Variants in KCND2 observed in about 807,000 individuals in gnomAD.
KCND2 encodes potassium voltage-gated channel subfamily D member 2.
In KCND2, 16 loss-of-function variants were observed where a neutral mutation model predicts 54.4. The ratio of observed to expected loss-of-function variants is 0.29; its 90% CI spans 0.20 to 0.45. The LOEUF (loss-of-function observed/expected upper bound fraction) is 0.45, where lower values mean the gene tolerates loss of function less well. KCND2 is among the 20% of genes least tolerant of loss of function. KCND2 has a pLI of 1.00. For synonymous variants in KCND2, 317 were observed against 310.7 expected (o/e 1.02, Z -0.21); for missense variants, 486 against 824.2 (o/e 0.59, Z 5.02).
chr7:120,398,145 A>T (rs1396679500), intron 1 of KCND2, among the ~76,000 whole-genome samples: 2 of 137,502 alleles, frequency 1.5e-5, no homozygotes, highest in Admixed American at 1.5e-4. Context: ...AGGAGATTTT[A>T]TATGTATATA....
chr7:120,285,660 C>A (rs1381519414), intron 1 of KCND2, among the ~76,000 whole-genome samples: 1 of 151,678 alleles, frequency 6.6e-6, no homozygotes, highest in Admixed American at 6.6e-5. Context: ...CAATAAAGGG[C>A]AGTTGTTTTG....
intron 1 of KCND2, among the ~76,000 whole-genome samples, chr7:120,655,941 C>T (rs1404712075): frequency 3.9e-5 from 6 of 151,960 alleles, no homozygotes; most frequent in East Asian, 1.9e-4. Context: ...GAAGAAAAGC[C>T]GTGCCTTGAT....
At chr7:120,747,633 C>A (rs1012195230) in intron 5 of KCND2, 48 bp from the exon 6 acceptor site, 2 of 1,372,792 alleles carry the variant, frequency 1.5e-6, no homozygotes, top group Non-Finnish European at 1.0e-6. Context: ...GTATGAAAAA[C>A]ATTTTAAGTA....
chr7:120,700,975 C>T (rs1425468651), intron 1 of KCND2, among the ~76,000 whole-genome samples: 1 of 152,070 alleles, frequency 6.6e-6, no homozygotes, highest in Admixed American at 6.6e-5. Flanking sequence ...GCCCCAGGCT[C>T]TTTCCATGTC....
intron 1 of KCND2, among the ~76,000 whole-genome samples, chr7:120,424,170 A>G (rs1251308673): frequency 1.3e-5 from 2 of 152,204 alleles, no homozygotes; most frequent in Admixed American, 6.5e-5. Context: ...AAACTTGAAT[A>G]TAAGGGTAGT....
At chr7:120,347,796 T>C (rs934561077) in intron 1 of KCND2, among the ~76,000 whole-genome samples, 1 of 151,696 alleles carries the variant, frequency 6.6e-6, no homozygotes, top group Non-Finnish European at 1.5e-5. Flanking sequence ...ATAAAGATTA[T>C]TGTAGTCTGT....
At chr7:120,556,502 A>G (rs1012962663) in intron 1 of KCND2, among the ~76,000 whole-genome samples, 1 of 152,204 alleles carries the variant, frequency 6.6e-6, no homozygotes, top group Non-Finnish European at 1.5e-5. Context: ...TCAACATTTA[A>G]GGATCTCTCT....
intron 1 of KCND2, among the ~76,000 whole-genome samples, chr7:120,687,230 T>C (rs2896298): frequency 0.14 from 21,606 of 152,068 alleles, 1,958 homozygotes; most frequent in East Asian, 0.4. Context: ...CCTCTGCTTC[T>C]ATAAGTTTGA....
intron 1 of KCND2, among the ~76,000 whole-genome samples, chr7:120,577,311 GATTA>G (rs1282306565): frequency 2.0e-5 from 3 of 152,072 alleles, no homozygotes; most frequent in Admixed American, 2.0e-4. Flanking sequence ...AAATAGAGGT[GATTA>G]ATTATTGCAG....
At chr7:120,583,109 A>G (rs1007556312) in intron 1 of KCND2, among the ~76,000 whole-genome samples, 2 of 152,116 alleles carry the variant, frequency 1.3e-5, no homozygotes, top group Non-Finnish European at 2.9e-5. Flanking sequence ...AAGATGGTAT[A>G]GATACTTGTA....
intron 1 of KCND2, among the ~76,000 whole-genome samples, chr7:120,408,599 A>G (rs533587708): frequency 1.3e-5 from 2 of 152,000 alleles, no homozygotes; most frequent in Non-Finnish European, 2.9e-5. Flanking sequence ...AAGTTGTCGT[A>G]TGCTCTATTA....
At chr7:120,277,190 A>AT (rs1214704037) in intron 1 of KCND2, among the ~76,000 whole-genome samples, 1 of 152,092 alleles carries the variant, frequency 6.6e-6, no homozygotes, top group East Asian at 1.9e-4. Context: ...ATTTAGTCTC[A>AT]TTTTTTTAAA....
rs933102790 is a variant in KCND2, at chr7:120,371,648, A to G, written c.1115+95901A>G. Among the ~76,000 whole-genome samples, 3 of 152,006 alleles carry G rather than the reference A, an allele frequency of 2.0e-5. No individual in the cohort carries two copies. In the South Asian group the frequency reaches 6.2e-4, roughly 31 times the overall value. On this transcript the variant is annotated intron_variant, in intron 1 of 5. Coordinates refer to ENST00000331113, the MANE Select transcript of KCND2 (RefSeq NM_012281.3). ...ACTTCCGGTTCTGCAGGTTCCATTC[A>G]TGGTAGATATTTTATACAGGTGTAC...
At chr7:120,574,744 T>G (rs966702255) in intron 1 of KCND2, among the ~76,000 whole-genome samples, 1 of 152,102 alleles carries the variant, frequency 6.6e-6, no homozygotes, top group Non-Finnish European at 1.5e-5. Flanking sequence ...CATTCTAGGT[T>G]TTTTTTCTCT....
chr7:120,400,729 CAT>C (rs893770688), intron 1 of KCND2, among the ~76,000 whole-genome samples: 9 of 152,134 alleles, frequency 5.9e-5, no homozygotes, highest in Non-Finnish European at 1.0e-4. Context: ...CTCCTGCACA[CAT>C]AGATTCTAAT....
At chr7:120,477,285 T>G (rs1039679247) in intron 1 of KCND2, among the ~76,000 whole-genome samples, 1 of 152,104 alleles carries the variant, frequency 6.6e-6, no homozygotes, top group African/African-American at 2.4e-5. Context: ...CTATGGACTT[T>G]GCGTGATAAA....
chr7:120,479,953 T>A (rs1372113921), intron 1 of KCND2, among the ~76,000 whole-genome samples: 3 of 113,220 alleles, frequency 2.6e-5, no homozygotes, highest in South Asian at 2.6e-4. Flanking sequence ...GGTGACAGAG[T>A]AAGACTGTCA....
intron 1 of KCND2, among the ~76,000 whole-genome samples, chr7:120,632,998 C>A (rs943245982): frequency 6.6e-6 from 1 of 152,190 alleles, no homozygotes; most frequent in Non-Finnish European, 1.5e-5. Context: ...AAACCTGCAA[C>A]AATTCTCAGA....
At chr7:120,457,480 G>T (rs1280857805) in intron 1 of KCND2, among the ~76,000 whole-genome samples, 1 of 152,280 alleles carries the variant, frequency 6.6e-6, no homozygotes, top group South Asian at 2.1e-4. Context: ...TAGGGCAGGT[G>T]CAAAATGCTG....
Sources: gnomAD v4.1 joint callset for allele counts (sites outside exome capture counted in the v4.1 genomes callset) on GRCh38, gnomAD v4.1.1 for gene constraint, MANE v1.5 for transcripts, NCBI Gene and HGNC (gene_info 2026-07-23, HGNC 2026-07-21) for gene names.